Variants in IQCN observed in about 807,000 individuals in gnomAD.
IQCN encodes the protein IQ domain-containing protein N.
Under a neutral mutation model 64.4 loss-of-function variants are expected in IQCN, and 46 were observed. The ratio of observed to expected loss-of-function variants is 0.71; its 90% CI spans 0.56 to 0.91. The LOEUF is 0.91. Ranked by LOEUF, IQCN falls within the 40% of genes least tolerant of loss-of-function variation. The pLI is 0.00. For missense variants in IQCN, 1,753 were observed against 1,857.4 expected (o/e 0.94, Z 1.03); for synonymous variants, 733 against 775.6 (o/e 0.95, Z 0.91).
chr19:18,265,517 G>T lies in IQCN; in HGVS notation c.2023C>A (p.Pro675Thr). The T allele has an allele frequency of 6.2e-7, 1 of 1,612,626 alleles. No individual in the cohort carries two copies. Among genetic ancestry groups the T allele is most frequent in the Non-Finnish European group, 8.5e-7 (1 of 1,178,926 alleles). Residue 675 changes from proline to threonine, a missense_variant, in exon 3 of 4, where the codon CCA (proline) becomes ACA (threonine). Physicochemically the swap from Pro to Thr is conservative, Grantham distance 38. Coordinates refer to ENST00000392413, the MANE Select transcript of IQCN (RefSeq NM_001145304.2). This position sits in a 1 kb window ranked among gnomAD's most constrained non-coding sequence, Gnocchi z 4.7. ...PLTNASSQRH[P>T]PCLSQRPLAA... ...AGTGGTCTCTGGGACAGGCAGGGTG[G>T]ATGTCTCTGGGATGAGGCATTGGTC...
intron 1 of IQCN, among the ~76,000 whole-genome samples, chr19:18,272,138 C>T (rs8110959): frequency 0.08 from 7,784 of 97,560 alleles, 690 homozygotes; most frequent in African/African-American, 0.24. Context: ...TTTTTTTTTT[C>T]TCTCTCTCTT....
chr19:18,269,618 T>C, intron 1 of IQCN, 31 bp from the exon 2 acceptor site: 1 of 570,278 alleles, frequency 1.8e-6, no homozygotes. Flanking sequence ...AAAGAAATGT[T>C]AAAAGCAAAA....
Position 18,265,485 on chromosome 19 carries a change from G to A in IQCN, c.2055C>T (p.Ala685=), listed in dbSNP as rs746476778. The change falls in exon 3 of 4, where the codon GCC becomes GCT. Residue 685 remains alanine (A), a synonymous_variant. Coordinates refer to ENST00000392413, the MANE Select transcript of IQCN (RefSeq NM_001145304.2). This position sits in a 1 kb window ranked among gnomAD's most constrained non-coding sequence, Gnocchi z 4.7. ...CCTGAGATGAGGCCTTGGTCAGCGG[G>A]GCGGCCAGTGGTCTCTGGGACAGGC... ...PPCLSQRPLA[A]PLTKASSQGH... 6.8e-6 allele frequency: 11 copies of A among 1,612,856 alleles called. No homozygotes were observed. The East Asian group carries it at 1.6e-4, about 23-fold the overall frequency.
chr19:18,266,614 G>T lies in IQCN; in HGVS notation c.926C>A (p.Pro309Gln). Reference sequence around the variant, plus strand: ...AGGGCCCTGGGTTTGGGCTCTGGATGGTCTCGTAACTGCCTGGTCATACCT... The same window carrying T: ...AGGGCCCTGGGTTTGGGCTCTGGATTGTCTCGTAACTGCCTGGTCATACCT... ...SRRYDQAVTR[P>Q]SRAQTQGPVK... The change falls in exon 3 of 4, where the codon CCA (proline) becomes CAA (glutamine). Residue 309 changes from proline (P) to glutamine (Q), a missense_variant. Physicochemically the swap from Pro to Gln is moderately conservative, Grantham distance 76. Coordinates refer to ENST00000392413, the MANE Select transcript of IQCN (RefSeq NM_001145304.2). The surrounding 1 kb of genome is among the most constrained non-coding windows in gnomAD (Gnocchi z 4.3). 6.2e-7 allele frequency: 1 copy of T among 1,613,984 alleles called. No homozygotes were observed. The highest frequency in any genetic ancestry group is 8.5e-7 in the Non-Finnish European group (1 of 1,179,906).
At chr19:18,269,165 G>GAGGA (rs1969678830) in intron 2 of IQCN, among the ~76,000 whole-genome samples, 1 of 150,834 alleles carries the variant, frequency 6.6e-6, no homozygotes, top group African/African-American at 2.4e-5. Flanking sequence ...GCAAGGGAGG[G>GAGGA]AGGGAAATTA....
chr19:18,258,461 G>A lies in IQCN; in HGVS notation c.3178-355C>T, dbSNP rs765710214. 2.1e-5 allele frequency: 11 copies of A among 519,250 alleles called. No individual in the cohort carries two copies. The East Asian group carries it at 4.0e-4, about 19-fold the overall frequency. The allele number at this position is 519,250 out of a possible 1,614,324, so 32.2% of individuals were successfully genotyped here. A position where few individuals can be genotyped will look rare whatever the true frequency, so the allele number is the denominator to read the frequency against. ...GTTCTGGAACAATCCTACCATGCACGGATCTGTAGGAATTTTTAGGGCCCA... is the reference window on the plus strand; with the variant it reads ...GTTCTGGAACAATCCTACCATGCACAGATCTGTAGGAATTTTTAGGGCCCA... On this transcript the variant is annotated intron_variant, in intron 3 of 3. Transcript: ENST00000392413.
At position 18,265,068 on chromosome 19, in the gene IQCN, T is replaced by A; in HGVS notation, c.2472A>T (p.Ala824=). ...GKTTQGGPCP[A]ACEVQGMLVP... ...CCAGCATACCCTGGACCTCACAGGC[T>A]GCCGGGCATGGTCCCCCCTGAGTGG... The change falls in exon 3 of 4, where the codon GCA becomes GCT. Residue 824 remains alanine (A), a synonymous_variant. Coordinates refer to ENST00000392413, the MANE Select transcript of IQCN (RefSeq NM_001145304.2). This position sits in a 1 kb window ranked among gnomAD's most constrained non-coding sequence, Gnocchi z 4.7. 3 of 1,601,176 alleles carry A rather than the reference T, an allele frequency of 1.9e-6. No individual in the cohort carries two copies. The highest frequency in any genetic ancestry group is 2.5e-6 in the Non-Finnish European group (3 of 1,179,790).
intron 1 of IQCN, among the ~76,000 whole-genome samples, chr19:18,272,784 G>A (rs865980133): frequency 6.6e-6 from 1 of 151,734 alleles, no homozygotes; most frequent in Non-Finnish European, 1.5e-5. Context: ...TTAATATTTT[G>A]TATTTTTAGT....
In IQCN at chr19:18,257,903, G is replaced by A; in HGVS notation, c.3381C>T (p.Tyr1127=). 6.2e-7 allele frequency: 1 copy of A among 1,612,766 alleles called. No individual in the cohort carries two copies. Among genetic ancestry groups the A allele is most frequent in the Non-Finnish European group, 8.5e-7 (1 of 1,179,920 alleles). Residue 1127 remains tyrosine (Y), a synonymous_variant, in exon 4 of 4, where the codon TAC becomes TAT. Transcript: ENST00000392413. ...ACAGCCGGATCCTGCGACGCGCCAG[G>A]TAGCCACGGACGCCCGCCTGGATAG... ...VITIQAGVRG[Y]LARRRIRLWH...
In IQCN at chr19:18,264,848, A is replaced by G. The variant is rs760632629; in HGVS notation, c.2692T>C (p.Leu898=). 9 of 1,594,668 alleles carry G rather than the reference A, an allele frequency of 5.6e-6. No individual in the cohort carries two copies. The highest frequency in any genetic ancestry group is 1.3e-5 in the African/African-American group (1 of 74,448). ...LASQEDLRTL[L]AKALSQGEVW... ...TCTCCCTGGGAGAGGGCTTTGGCCA[A>G]CAGAGTGCGGAGATCCTCCTGGGAT... Residue 898 remains leucine, a synonymous_variant, in exon 3 of 4, where the codon TTG becomes CTG. Transcript: ENST00000392413. The surrounding 1 kb of genome is among the most constrained non-coding windows in gnomAD (Gnocchi z 4.3).
In IQCN at chr19:18,266,144, T is replaced by G; in HGVS notation, c.1396A>C (p.Asn466His). The change falls in exon 3 of 4, where the codon AAC becomes CAC. Residue 466 changes from asparagine to histidine, a missense_variant. By Grantham distance (68) the Asn-to-His change is moderately conservative (BLOSUM62 1). Coordinates refer to ENST00000392413, the MANE Select transcript of IQCN (RefSeq NM_001145304.2). This position sits in a 1 kb window ranked among gnomAD's most constrained non-coding sequence, Gnocchi z 4.3. Reference protein sequence around the residue: ...QMHPVTTPAKNPLQTCLSATM... With the variant: ...QMHPVTTPAKHPLQTCLSATM... Reference sequence around the variant, plus strand: ...GCTGACAGACATGTTTGCAATGGGTTTTTGGCTGGGGTGGTGACCGGGTGC... The same window carrying G: ...GCTGACAGACATGTTTGCAATGGGTGTTTGGCTGGGGTGGTGACCGGGTGC... 6.2e-7 allele frequency: 1 copy of G among 1,614,020 alleles called. No individual in the cohort carries two copies.
chr19:18,269,492 T>A lies in IQCN; in HGVS notation c.-14A>T. ...TTGAAGGGTCATAGATTTGGAGGAG[T>A]AGCAGGAGAAGAAGGTGCAATCTCA... On this transcript the variant is annotated 5_prime_UTR_variant, in exon 2 of 4. Transcript: ENST00000392413. 1 of 1,613,538 alleles carries A rather than the reference T, an allele frequency of 6.2e-7. No homozygotes were observed. Among genetic ancestry groups the A allele is most frequent in the Non-Finnish European group, 8.5e-7 (1 of 1,179,882 alleles).
chr19:18,257,804 G>A lies in IQCN; in HGVS notation c.3480C>T (p.Cys1160=), dbSNP rs767952750. The A allele has an allele frequency of 1.2e-6, 2 of 1,611,024 alleles. No individual in the cohort carries two copies. The highest frequency in any genetic ancestry group is 1.7e-6 in the Non-Finnish European group (2 of 1,179,462). The change falls in exon 4 of 4, where the codon TGC becomes TGT. Residue 1160 remains cysteine (C), a synonymous_variant. Coordinates refer to ENST00000392413, the MANE Select transcript of IQCN (RefSeq NM_001145304.2). ...CAGACTGGATGGTCGTGGTGGCTCT[G>A]CAGAGGTGTGCCAGGTTCCGCCGCA... ...YRVRRNLAHL[C]RATTTIQSAW...
chr19:18,268,186 G>GTA (rs1406092110), intron 2 of IQCN, among the ~76,000 whole-genome samples: 5 of 146,878 alleles, frequency 3.4e-5, no homozygotes, highest in African/African-American at 1.3e-4. Flanking sequence ...GTGTGTGTGT[G>GTA]TGTGTGTGTG....
Position 18,266,637 on chromosome 19 carries a change from C to A in IQCN, c.903G>T (p.Arg301Ser). ...ARAPETPLSR[R>S]YDQAVTRPSR... Reference sequence around the variant, plus strand: ...ATGGTCTCGTAACTGCCTGGTCATACCTTCTGGACAATGGTGTCTCCGGAG... The same window carrying A: ...ATGGTCTCGTAACTGCCTGGTCATAACTTCTGGACAATGGTGTCTCCGGAG... Residue 301 changes from arginine (R) to serine (S), a missense_variant, in exon 3 of 4, where the codon AGG (arginine) becomes AGT (serine). Coordinates refer to ENST00000392413, the MANE Select transcript of IQCN (RefSeq NM_001145304.2). This position sits in a 1 kb window ranked among gnomAD's most constrained non-coding sequence, Gnocchi z 4.3. 2.5e-6 allele frequency: 4 copies of A among 1,614,054 alleles called. No homozygotes were observed. Among genetic ancestry groups the A allele is most frequent in the Non-Finnish European group, 3.4e-6 (4 of 1,180,006 alleles).
Position 18,266,966 on chromosome 19 carries a change from T to A in IQCN, c.574A>T (p.Thr192Ser), listed in dbSNP as rs1472954786. The A allele has an allele frequency of 6.2e-7, 1 of 1,613,302 alleles. No homozygotes were observed. The highest frequency in any genetic ancestry group is 8.5e-7 in the Non-Finnish European group (1 of 1,179,492). The part of the protein sequence containing the change: ...LSPPIMVNKE[T>S]QFPSCDNLVL... ...AGATTGTCACAGGAAGGGAACTGGG[T>A]CTCCTTGTTCACCATGATGGGCGGG... Residue 192 changes from threonine (T) to serine (S), a missense_variant, in exon 3 of 4, where the codon ACC (threonine) becomes TCC (serine). Coordinates refer to ENST00000392413, the MANE Select transcript of IQCN (RefSeq NM_001145304.2). The surrounding 1 kb of genome is among the most constrained non-coding windows in gnomAD (Gnocchi z 4.3).
At chr19:18,272,811 T>C (rs1292002771) in intron 1 of IQCN, among the ~76,000 whole-genome samples, 7 of 151,670 alleles carry the variant, frequency 4.6e-5, no homozygotes, top group East Asian at 2.0e-4. Flanking sequence ...GGGGTTTCAC[T>C]ATGCTAGCCA....
At position 18,265,846 on chromosome 19, in the gene IQCN, T is replaced by C; in HGVS notation, c.1694A>G (p.Lys565Arg). The change falls in exon 3 of 4, where the codon AAG becomes AGG. Residue 565 changes from lysine to arginine, a missense_variant. Lys to Arg is a conservative substitution (Grantham distance 26). Transcript: ENST00000392413. The surrounding 1 kb of genome is among the most constrained non-coding windows in gnomAD (Gnocchi z 4.7). ...KATVNVKQAA[K>R]VVKASSPSYL... The stretch of plus-strand genomic sequence containing the variant: ...GGAGGGGGATGAGGCTTTCACCACC[T>C]TTGCAGCCTGCTTCACATTCACGGT... 1 of 1,614,136 alleles carries C rather than the reference T, an allele frequency of 6.2e-7. No homozygotes were observed. The highest frequency in any genetic ancestry group is 8.5e-7 in the Non-Finnish European group (1 of 1,180,008).
chr19:18,258,205 G>A (rs1387108543), intron 3 of IQCN, 99 bp from the exon 4 acceptor site: 1 of 1,342,054 alleles, frequency 7.5e-7, no homozygotes, highest in Non-Finnish European at 1.0e-6. Context: ...TGGTTAAAAA[G>A]GGGTGGCAGG....
Sources: gnomAD v4.1 joint callset for allele counts (sites outside exome capture counted in the v4.1 genomes callset) on GRCh38, gnomAD v4.1.1 for gene constraint, Gnocchi (gnomAD v3.1) non-coding constraint, MANE v1.5 for transcripts, NCBI Gene and HGNC (gene_info 2026-07-23, HGNC 2026-07-21) for gene names.